Variants in MBTPS1 observed in about 807,000 individuals in gnomAD.
MBTPS1 encodes the protein membrane-bound transcription factor site-1 protease.
A neutral mutation model predicts 127.8 loss-of-function variants in MBTPS1; 94 were observed. The observed-to-expected ratio is 0.74, with a 90% CI of 0.62 to 0.87. The LOEUF is 0.87. Ranked by LOEUF, MBTPS1 falls within the 40% of genes least tolerant of loss-of-function variation. The pLI, the probability that MBTPS1 is intolerant of heterozygous loss-of-function variation, is 0.00. For synonymous variants in MBTPS1, 632 were observed against 509.4 expected (o/e 1.24, Z -3.24); for missense variants, 1,636 against 1,353.2 (o/e 1.21, Z -3.28).
At chr16:84,082,216 C>T (rs2085952392) in intron 10 of MBTPS1, 1 of 175,084 alleles carries the variant, frequency 5.7e-6, no homozygotes, top group Non-Finnish European at 1.2e-5. Flanking sequence ...ATAGGAGGTA[C>T]TGACTCCTCT....
chr16:84,115,963 G>A (rs941679000), intron 1 of MBTPS1, among the ~76,000 whole-genome samples: 21 of 151,876 alleles, frequency 1.4e-4, no homozygotes, highest in Middle Eastern at 3.4e-3. Flanking sequence ...AAAAATGAGA[G>A]GAATTACTTC....
At chr16:84,114,717 C>T (rs1422918104) in intron 1 of MBTPS1, among the ~76,000 whole-genome samples, 1 of 151,330 alleles carries the variant, frequency 6.6e-6, no homozygotes, top group East Asian at 2.0e-4. Flanking sequence ...GCAGTCCCGG[C>T]TACTCGGGAG....
intron 11 of MBTPS1, among the ~76,000 whole-genome samples, chr16:84,076,163 G>A (rs2085851970): frequency 6.6e-6 from 1 of 152,074 alleles, no homozygotes; most frequent in African/African-American, 2.4e-5. Context: ...TATATTAATA[G>A]GTCTAAAGTA....
chr16:84,086,023 T>C (rs754243622), intron 9 of MBTPS1: 2 of 152,118 alleles, frequency 1.3e-5, no homozygotes, highest in African/African-American at 2.4e-5. Flanking sequence ...TTCTTAAGAA[T>C]TGGGGCAAAA....
chr16:84,075,496 G>C (rs2085842064), intron 11 of MBTPS1: 1 of 138,340 alleles, frequency 7.2e-6, no homozygotes, highest in Non-Finnish European at 1.5e-5. Context: ...GACAGGAACA[G>C]ACAAATGTTT....
At position 84,070,628 on chromosome 16, in the gene MBTPS1, C is replaced by T; in HGVS notation, c.1742G>A (p.Gly581Asp). The change falls in exon 13 of 23, where the codon GGC (glycine) becomes GAC (aspartate). Residue 581 changes from glycine to aspartate, a missense_variant. Gly to Asp is a moderately conservative substitution (Grantham distance 94). Transcript: ENST00000343411. ...KAASWEGIAQ[G>D]HVMITVASPA... ...GGAAGCCACAGTGATCATGACATGG[C>T]CCTGAGCAATGCCTTCCCAGGAAGC... 1.9e-6 allele frequency: 3 copies of T among 1,613,300 alleles called. No homozygotes were observed. Among genetic ancestry groups the T allele is most frequent in the Non-Finnish European group, 2.5e-6 (3 of 1,179,888 alleles).
chr16:84,054,325 A>G lies in MBTPS1; in HGVS notation c.*124T>C, dbSNP rs563396326. 1.2e-6 allele frequency: 1 copy of G among 824,926 alleles called. No individual in the cohort carries two copies. Among genetic ancestry groups the G allele is most frequent in the African/African-American group, 1.7e-5 (1 of 57,432 alleles). The allele number at this position is 824,926 out of a possible 1,614,324, so 51.1% of individuals were successfully genotyped here. A position where few individuals can be genotyped will look rare whatever the true frequency, so the allele number is the denominator to read the frequency against. On this transcript the variant is annotated 3_prime_UTR_variant, in exon 23 of 23. Transcript: ENST00000343411. ...AGGAGGGCAGGCCCATGTAGAACAG[A>G]CTCTAACAAACCTGCAGCTGGAAAC...
At position 84,066,610 on chromosome 16, in the gene MBTPS1, C is replaced by A. The variant is rs1358567469; in HGVS notation, c.2232G>T (p.Gln744His). The change falls in exon 17 of 23, where the codon CAG (glutamine) becomes CAT (histidine). Residue 744 changes from glutamine to histidine, a missense_variant. By Grantham distance (24) the Gln-to-His change is conservative. Coordinates refer to ENST00000343411, the MANE Select transcript of MBTPS1 (RefSeq NM_003791.4). ...KVKFYDENTR[Q>H]WWMPDTGGAN... ...CTCCTCCGGTATCCGGCATCCACCA[C>A]TGCCTGGGAAAGTGGTAACAGACAC... The A allele has an allele frequency of 6.2e-7, 1 of 1,614,054 alleles. No individual in the cohort carries two copies. The highest frequency in any genetic ancestry group is 2.2e-5 in the East Asian group (1 of 44,880).
Position 84,099,288 on chromosome 16 carries a change from T to C in MBTPS1, c.186A>G (p.Gly62=). The change falls in exon 3 of 23, where the codon GGA becomes GGG. Residue 62 remains glycine (G), a synonymous_variant. Transcript: ENST00000343411. ...VEYEYIVAFN[G]YFTAKARNSF... ...AATTTCTAGCTTTGGCTGTAAAGTA[T>C]CCATTGAAAGCCACAATATATTCTG... 6.2e-7 allele frequency: 1 copy of C among 1,614,028 alleles called. No homozygotes were observed. The highest frequency in any genetic ancestry group is 8.5e-7 in the Non-Finnish European group (1 of 1,179,982).
At chr16:84,056,939 G>C (rs1355317414) in intron 21 of MBTPS1, 4 of 152,208 alleles carry the variant, frequency 2.6e-5, no homozygotes, top group Admixed American at 1.3e-4. Flanking sequence ...CACTACTCTG[G>C]CTTAAGTGAG....
At position 84,093,829 on chromosome 16, in the gene MBTPS1, G is replaced by A. The variant is rs747415554; in HGVS notation, c.626-8C>T. The A allele has an allele frequency of 9.6e-6, 15 of 1,559,568 alleles. No homozygotes were observed. The highest frequency in any genetic ancestry group is 1.2e-5 in the Non-Finnish European group (14 of 1,130,482). ...CAACTCTTACATTAGCACCTTATTC[G>A]GAAAAGAAAGCAAACACAATTATGT... is the stretch of plus-strand genomic sequence containing the variant. On this transcript the variant is annotated splice_polypyrimidine_tract_variant and splice_region_variant and intron_variant, in intron 4 of 22. Coordinates refer to ENST00000343411, the MANE Select transcript of MBTPS1 (RefSeq NM_003791.4).
At chr16:84,096,925 T>C (rs1278608178) in intron 3 of MBTPS1, among the ~76,000 whole-genome samples, 1 of 152,210 alleles carries the variant, frequency 6.6e-6, no homozygotes, top group African/African-American at 2.4e-5. Flanking sequence ...TTATACTCAG[T>C]TCAGGGCTTC....
At chr16:84,099,905 T>C (rs1015807064) in intron 2 of MBTPS1, among the ~76,000 whole-genome samples, 1 of 152,124 alleles carries the variant, frequency 6.6e-6, no homozygotes, top group Non-Finnish European at 1.5e-5. Context: ...CAAAGAAATG[T>C]ATATAATTTT....
At chr16:84,102,165 T>C (rs547006304) in intron 1 of MBTPS1, 58 bp from the exon 2 acceptor site, 1 of 158,698 alleles carries the variant, frequency 6.3e-6, no homozygotes, top group Admixed American at 6.3e-5. Flanking sequence ...TAGCCAGGTA[T>C]GATTTAGTTG....
At chr16:84,096,864 G>C (rs1170314045) in intron 3 of MBTPS1, among the ~76,000 whole-genome samples, 1 of 152,194 alleles carries the variant, frequency 6.6e-6, no homozygotes, top group Non-Finnish European at 1.5e-5. Context: ...CTGAGACCAG[G>C]AATGGGCCTG....
chr16:84,113,934 G>GT (rs2086432806), intron 1 of MBTPS1, among the ~76,000 whole-genome samples: 1 of 150,632 alleles, frequency 6.6e-6, no homozygotes, highest in Non-Finnish European at 1.5e-5. Context: ...ACCAAACTAT[G>GT]GTAAAACAAA....
intron 8 of MBTPS1, among the ~76,000 whole-genome samples, chr16:84,089,856 A>C (rs569394456): frequency 2.0e-5 from 3 of 152,366 alleles, no homozygotes; most frequent in African/African-American, 7.2e-5. Flanking sequence ...TGGGGACATC[A>C]GAAATGGGAG....
chr16:84,085,610 T>G (rs979970530), intron 9 of MBTPS1, among the ~76,000 whole-genome samples: 26 of 112,298 alleles, frequency 2.3e-4, no homozygotes, highest in African/African-American at 8.8e-4. Context: ...ACAAAGAAAT[T>G]CACTACAATA....
intron 12 of MBTPS1, among the ~76,000 whole-genome samples, chr16:84,073,367 C>T (rs906960835): frequency 1.3e-5 from 2 of 152,066 alleles, no homozygotes; most frequent in Non-Finnish European, 2.9e-5. Context: ...CTCTTGACCT[C>T]GTGATCCTCC....
Sources: gnomAD v4.1 joint callset for allele counts (sites outside exome capture counted in the v4.1 genomes callset) on GRCh38, gnomAD v4.1.1 for gene constraint, MANE v1.5 for transcripts, NCBI Gene and HGNC (gene_info 2026-07-23, HGNC 2026-07-21) for gene names.